Variants in TMIE observed in about 807,000 individuals in gnomAD.
TMIE encodes the protein transmembrane inner ear, also known as transmembrane inner ear expressed protein.
TMIE carries 14 observed loss-of-function variants against 16.8 expected under a neutral mutation model. The observed-to-expected ratio is 0.83, with a 90% confidence interval of 0.55 to 1.30. The LOEUF is 1.30. Among genes scored for constraint, TMIE ranks in the 50% most tolerant of loss-of-function variants. The pLI, the probability that TMIE is intolerant of heterozygous loss-of-function variation, is 0.00. For synonymous variants in TMIE, 75 were observed against 87.2 expected, an observed-to-expected ratio of 0.86 and a Z score of 0.78; for missense variants, 204 against 205.9, an observed-to-expected ratio of 0.99 and a Z score of 0.06.
At chr3:46,695,974 C>T (rs1700408880) in intron 1 of TMIE, among the ~76,000 whole-genome samples, 1 of 152,184 alleles carries the variant, frequency 6.6e-6, no homozygotes, top group Admixed American at 6.5e-5. Context: ...GGTAAGGCCT[C>T]TGGTAGTGCC....
At chr3:46,699,957 GCTCACTTAGTC>G (rs527886983), upstream of TMIE, among the ~76,000 whole-genome samples, 3 of 152,348 alleles carry the variant, frequency 2.0e-5, no homozygotes, top group East Asian at 5.8e-4. Context: ...TTACTGACAG[GCTCACTTAGTC>G]CTCACCCTGT....
At position 46,709,330 on chromosome 3, in the gene TMIE, G is replaced by A; in HGVS notation, c.361+55G>A. Reference sequence around the variant, plus strand: ...CGCCAGCCAGTTCCTCAGTCCTGCTGCCTGGAGTCACCCTGTTCCTCTGCT... The same window carrying A: ...CGCCAGCCAGTTCCTCAGTCCTGCTACCTGGAGTCACCCTGTTCCTCTGCT... On this transcript the variant is annotated intron_variant, in intron 3 of 3. Transcript: ENST00000643606. 1.9e-6 allele frequency: 3 copies of A among 1,612,566 alleles called. No homozygotes were observed. In the South Asian group the frequency reaches 3.3e-5, roughly 18 times the overall value.
In TMIE at chr3:46,701,422, C is replaced by A; in HGVS notation, c.-66C>A. 1.5e-6 allele frequency: 2 copies of A among 1,323,594 alleles called. No homozygotes were observed. The highest frequency in any genetic ancestry group is 1.4e-5 in the South Asian group (1 of 70,104). The allele number at this position is 1,323,594 out of a possible 1,614,324, so 82.0% of individuals were successfully genotyped here. On this transcript the variant is annotated 5_prime_UTR_variant, in exon 1 of 4. Transcript: ENST00000643606. This position sits in a 1 kb window ranked among gnomAD's most constrained non-coding sequence, Gnocchi z 4.3. ...CCCGTGGCCACCGAGCGCCGGCTGG[C>A]AGGGGCAGTGACCGGCGGCCGGCCC...
chr3:46,705,854 A>C lies in TMIE; in HGVS notation c.158A>C (p.Asp53Ala). ...PLTKETVVFWDMRLWHVVGIF... is the reference protein window; with the variant it reads ...PLTKETVVFWAMRLWHVVGIF... ...ACCAAGGAGACAGTGGTGTTCTGGG[A>C]CATGCGCCTGTGGCACGTGGTGGGC... Residue 53 changes from aspartate to alanine, a missense_variant, in exon 2 of 4, where the codon GAC (aspartate) becomes GCC (alanine). Physicochemically the swap from Asp to Ala is moderately radical, Grantham distance 126 (BLOSUM62 -2). Transcript: ENST00000643606. The C allele has an allele frequency of 6.2e-7, 1 of 1,614,112 alleles. No homozygotes were observed. The highest frequency in any genetic ancestry group is 8.5e-7 in the Non-Finnish European group (1 of 1,180,016).
At chr3:46,703,214 C>A (rs1005063689) in intron 1 of TMIE, among the ~76,000 whole-genome samples, 1 of 152,102 alleles carries the variant, frequency 6.6e-6, no homozygotes, top group Non-Finnish European at 1.5e-5. Context: ...GAGGTGGGGA[C>A]CTCCATGCTC....
At chr3:46,705,373 A>G in intron 1 of TMIE, among the ~76,000 whole-genome samples, 1 of 151,934 alleles carries the variant, frequency 6.6e-6, no homozygotes, top group East Asian at 1.9e-4. Flanking sequence ...CCCCACCCTC[A>G]CTGGGGAGAT....
In TMIE at chr3:46,701,502, G is replaced by C. The variant is rs1379912065; in HGVS notation, c.15G>C (p.Pro5=). 3 of 1,343,494 alleles carry C rather than the reference G, an allele frequency of 2.2e-6. No individual in the cohort carries two copies. The highest frequency in any genetic ancestry group is 2.9e-6 in the Non-Finnish European group (3 of 1,051,428). 83.2% of individuals were successfully genotyped at this position (1,343,494 alleles called of 1,614,324 possible). ...GTGGCACGAAGATGGCGGGGTGGCC[G>C]GGCGCGGGTCCCCTCTGCGTGCTGG... MAGW[P]GAGPLCVLGG... The change falls in exon 1 of 4, where the codon CCG becomes CCC. Residue 5 remains proline, a synonymous_variant. Coordinates refer to ENST00000643606, the MANE Select transcript of TMIE (RefSeq NM_147196.3). This position sits in a 1 kb window ranked among gnomAD's most constrained non-coding sequence, Gnocchi z 4.3.
intron 2 of TMIE, among the ~76,000 whole-genome samples, chr3:46,706,364 G>T (rs1700552949): frequency 6.6e-6 from 1 of 152,144 alleles, no homozygotes. Flanking sequence ...TTTTCCGGGA[G>T]TGACTCACAC....
upstream of TMIE, among the ~76,000 whole-genome samples, chr3:46,700,039 C>T (rs1700451196): frequency 6.6e-6 from 1 of 152,258 alleles, no homozygotes; most frequent in East Asian, 1.9e-4. Context: ...GTGGCTTTCC[C>T]TAGCCTGGCC....
intron 1 of TMIE, among the ~76,000 whole-genome samples, chr3:46,695,605 C>G (rs1700400930): frequency 1.3e-5 from 2 of 152,162 alleles, no homozygotes; most frequent in Admixed American, 1.3e-4. Flanking sequence ...AGCATATGGC[C>G]TCACCACTTG....
upstream of TMIE, among the ~76,000 whole-genome samples, chr3:46,697,967 T>C (rs990086091): frequency 1.3e-5 from 2 of 152,174 alleles, no homozygotes; most frequent in African/African-American, 4.8e-5. Context: ...CTTAACGTGG[T>C]GTTTAATACT....
intron 1 of TMIE, among the ~76,000 whole-genome samples, chr3:46,702,928 C>T (rs1700496073): frequency 6.6e-6 from 1 of 152,092 alleles, no homozygotes; most frequent in Non-Finnish European, 1.5e-5. Flanking sequence ...AGAAACTGAG[C>T]TGGCCTAGGT....
chr3:46,703,401 C>T (rs1467300211), intron 1 of TMIE, among the ~76,000 whole-genome samples: 1 of 152,118 alleles, frequency 6.6e-6, no homozygotes, highest in East Asian at 1.9e-4. Flanking sequence ...TTGCCATGGC[C>T]CTCAGAGTCT....
At chr3:46,696,443 C>T (rs1215151674), upstream of TMIE, among the ~76,000 whole-genome samples, 1 of 152,184 alleles carries the variant, frequency 6.6e-6, no homozygotes, top group East Asian at 1.9e-4. Flanking sequence ...ACAGGCCTGG[C>T]CCAGCCCCAC....
chr3:46,704,099 G>A (rs982946333), intron 1 of TMIE, among the ~76,000 whole-genome samples: 1 of 152,114 alleles, frequency 6.6e-6, no homozygotes, highest in African/African-American at 2.4e-5. Flanking sequence ...GCAGGACTGT[G>A]TCCCCTAGAC....
At position 46,701,589 on chromosome 3, in the gene TMIE, G is replaced by T; in HGVS notation, c.93+9G>T. 1.6e-6 allele frequency: 2 copies of T among 1,284,228 alleles called. No homozygotes were observed. Among genetic ancestry groups the T allele is most frequent in the Non-Finnish European group, 2.0e-6 (2 of 1,019,240 alleles). The allele number at this position is 1,284,228 out of a possible 1,614,324, so 79.6% of individuals were successfully genotyped here. ...CCGGGCAGCTGGTGGAGGTGAGGCC[G>T]CGGCACGGAGGGACTGGGGAGGCTG... On this transcript the variant is annotated intron_variant, in intron 1 of 3. Transcript: ENST00000643606. This position sits in a 1 kb window ranked among gnomAD's most constrained non-coding sequence, Gnocchi z 4.3.
rs781582246 is a variant in TMIE at position 46,709,189 on chromosome 3, G to A, written c.275G>A (p.Arg92Gln). 35 of 1,614,018 alleles carry A rather than the reference G, an allele frequency of 2.2e-5. No homozygotes were observed. The highest frequency in any genetic ancestry group is 1.6e-4 in the Middle Eastern group (1 of 6,084). Residue 92 changes from arginine (R) to glutamine (Q), a missense_variant, in exon 3 of 4, where the codon CGG (arginine) becomes CAG (glutamine). Coordinates refer to ENST00000643606, the MANE Select transcript of TMIE (RefSeq NM_147196.3). ...VPRTRKEIEA[R>Q]YLQRKAAKMY... is the part of the protein sequence containing the mutation. ...CGGACCCGGAAGGAGATCGAAGCCC[G>A]GTACCTGCAGCGAAAGGCAGCCAAG...
Position 46,709,645 on chromosome 3 carries a change from A to G in TMIE, c.428A>G (p.Glu143Gly), listed in dbSNP as rs200753247. The G allele has an allele frequency of 6.2e-7, 1 of 1,613,970 alleles. No individual in the cohort carries two copies. The highest frequency in any genetic ancestry group is 8.5e-7 in the Non-Finnish European group (1 of 1,179,950). The stretch of plus-strand genomic sequence containing the variant: ...GACACAGTGGCCATCAAAGTAGAGG[A>G]GGATGAGAAGAATGAGGCCAAGAAG... ...SVDTVAIKVEEDEKNEAKKKK... is the reference protein window; with the variant it reads ...SVDTVAIKVEGDEKNEAKKKK... Residue 143 changes from glutamate (E) to glycine (G), a missense_variant, in exon 4 of 4, where the codon GAG (glutamate) becomes GGG (glycine). Transcript: ENST00000643606.
rs1700546213 is a variant in TMIE at position 46,705,856 on chromosome 3, A to G, written c.160A>G (p.Met54Val). ...CAAGGAGACAGTGGTGTTCTGGGAC[A>G]TGCGCCTGTGGCACGTGGTGGGCAT... ...LTKETVVFWD[M>V]RLWHVVGIFS... The change falls in exon 2 of 4, where the codon ATG (methionine) becomes GTG (valine). Residue 54 changes from methionine to valine, a missense_variant. Coordinates refer to ENST00000643606, the MANE Select transcript of TMIE (RefSeq NM_147196.3). 1.9e-6 allele frequency: 3 copies of G among 1,614,006 alleles called. No individual in the cohort carries two copies. Among genetic ancestry groups the G allele is most frequent in the Non-Finnish European group, 2.5e-6 (3 of 1,180,048 alleles).
Sources: allele counts gnomAD v4.1 joint callset (sites outside exome capture counted in the v4.1 genomes callset), GRCh38; gene constraint gnomAD v4.1.1; non-coding constraint Gnocchi (gnomAD v3.1); transcripts MANE v1.5; gene names NCBI Gene and HGNC (gene_info 2026-07-23, HGNC 2026-07-21).